PTPN3: variants seen among roughly 807,000 people sequenced by gnomAD.
PTPN3 encodes the protein tyrosine-protein phosphatase non-receptor type 3.
In PTPN3, 96 loss-of-function variants were observed where a neutral mutation model predicts 132.7. That is an observed-to-expected ratio of 0.72 (90% confidence interval 0.61 to 0.86). The LOEUF (loss-of-function observed/expected upper bound fraction) is 0.86. Among genes scored for constraint, PTPN3 ranks in the 40% least tolerant of loss-of-function variants. The probability of loss-of-function intolerance (pLI) is 0.00; values close to 1 mark genes in which losing one functional copy is unlikely to be tolerated. For missense variants in PTPN3, 1,125 were observed against 1,159.6 expected (o/e 0.97, Z 0.43); for synonymous variants, 398 against 429.0 (o/e 0.93, Z 0.89).
chr9:109,520,740 G>C, the PTPN3 span, among the ~76,000 whole-genome samples: 1 of 152,152 alleles, frequency 6.6e-6, no homozygotes, highest in African/African-American at 2.4e-5. Flanking sequence ...TAAGGTAAGG[G>C]GATGGTGAGC....
At chr9:109,532,912 G>A in the PTPN3 span, 1 of 996,276 alleles carries the variant, frequency 1.0e-6, no homozygotes, top group African/African-American at 1.8e-5. Context: ...TTGTCTCTTT[G>A]CCACCTTGTG....
chr9:109,474,699 C>T (rs541844489), intron 1 of PTPN3, among the ~76,000 whole-genome samples: 63 of 152,304 alleles, frequency 4.1e-4, no homozygotes, highest in Non-Finnish European at 6.9e-4. Flanking sequence ...TAACTGAAAT[C>T]TTAGCGAAAT....
intron 14 of PTPN3, among the ~76,000 whole-genome samples, chr9:109,415,156 C>T (rs1842398304): frequency 6.6e-6 from 1 of 151,776 alleles, no homozygotes; most frequent in African/African-American, 2.4e-5. Flanking sequence ...TATTAAATGC[C>T]AAATAACCAT....
chr9:109,437,283 T>C (rs1375995612), intron 8 of PTPN3, among the ~76,000 whole-genome samples: 1 of 152,216 alleles, frequency 6.6e-6, no homozygotes, highest in Non-Finnish European at 1.5e-5. Flanking sequence ...TGCTAATTAG[T>C]AGGGAATCTT....
chr9:109,383,407 TCAGG>T lies in PTPN3; in HGVS notation c.2382+12_2382+15del. On this transcript the variant is annotated intron_variant, in intron 23 of 25. Transcript: ENST00000374541. ...AGCACCTGCCCCTCCACCGTGCCCC[TCAGG>T]CTGCGGCTCACCTGGGTGTTTGTGA... The T allele has an allele frequency of 6.2e-7, 1 of 1,613,764 alleles. No individual in the cohort carries two copies. The highest frequency in any genetic ancestry group is 8.5e-7 in the Non-Finnish European group (1 of 1,179,904).
the PTPN3 span, among the ~76,000 whole-genome samples, chr9:109,504,003 A>G: frequency 2.6e-5 from 4 of 152,244 alleles, no homozygotes; most frequent in Non-Finnish European, 4.4e-5. Flanking sequence ...AATGAATTGT[A>G]AAAAGAGCAG....
chr9:109,422,938 T>C, intron 12 of PTPN3, 86 bp from the exon 13 acceptor site: 2 of 1,489,658 alleles, frequency 1.3e-6, no homozygotes, highest in Non-Finnish European at 1.8e-6. Context: ...CTACACATGC[T>C]TCTTGTCTGA....
chr9:109,448,901 GCA>G, intron 5 of PTPN3, 46 bp from the exon 6 acceptor site: 83 of 1,012,214 alleles, frequency 8.2e-5, no homozygotes, highest in South Asian at 6.5e-4. Flanking sequence ...ACTGAAATAA[GCA>G]AAAAAAAAAA....
the PTPN3 span, among the ~76,000 whole-genome samples, chr9:109,503,540 A>C: frequency 1.3e-5 from 2 of 152,068 alleles, no homozygotes; most frequent in Non-Finnish European, 2.9e-5. Flanking sequence ...CCCTGTCTCT[A>C]CTTAAAAAAA....
chr9:109,502,377 A>G (rs1847873264), upstream of PTPN3, among the ~76,000 whole-genome samples: 1 of 152,242 alleles, frequency 6.6e-6, no homozygotes, highest in Non-Finnish European at 1.5e-5. Flanking sequence ...TGTGCTGTTA[A>G]TGCAAGCTTA....
Position 109,391,473 on chromosome 9 carries a change from G to A in PTPN3, c.2042C>T (p.Pro681Leu). ...LDKNRYKDVLPYDTTRVLLQG... is the reference protein window; with the variant it reads ...LDKNRYKDVLLYDTTRVLLQG... Reference sequence around the variant, plus strand: ...AGGCATTCATGCCGGATACTCACAAGGCAGCACATCTTTATATCGGTTTTT... The same window carrying A: ...AGGCATTCATGCCGGATACTCACAAAGCAGCACATCTTTATATCGGTTTTT... The change falls in exon 20 of 26, where the codon CCT becomes CTT. Residue 681 changes from proline to leucine, a missense_variant and splice_region_variant. Pro to Leu is a moderately conservative substitution (Grantham distance 98). Transcript: ENST00000374541. 1 of 1,610,764 alleles carries A rather than the reference G, an allele frequency of 6.2e-7. No individual in the cohort carries two copies. Among genetic ancestry groups the A allele is most frequent in the Non-Finnish European group, 8.5e-7 (1 of 1,177,104 alleles).
intron 1 of PTPN3, 53 bp from the exon 2 acceptor site, chr9:109,463,504 T>C (rs1845947710): frequency 1.3e-6 from 2 of 1,528,518 alleles, no homozygotes; most frequent in Non-Finnish European, 1.8e-6. Flanking sequence ...TGTCAGTTAC[T>C]TGTGAGTGCA....
intron 25 of PTPN3, among the ~76,000 whole-genome samples, chr9:109,380,156 T>C (rs762611937): frequency 6.6e-6 from 1 of 152,162 alleles, no homozygotes; most frequent in Non-Finnish European, 1.5e-5. Context: ...AGAAACATAT[T>C]GTAGCAAAGT....
chr9:109,407,893 T>C (rs938695536), intron 17 of PTPN3, among the ~76,000 whole-genome samples: 1 of 152,190 alleles, frequency 6.6e-6, no homozygotes, highest in African/African-American at 2.4e-5. Flanking sequence ...GCAAATGCTC[T>C]TCTTAGGAGG....
the PTPN3 span, among the ~76,000 whole-genome samples, chr9:109,536,474 A>G: frequency 6.6e-6 from 1 of 152,184 alleles, no homozygotes; most frequent in Non-Finnish European, 1.5e-5. Context: ...ATTCAAGACA[A>G]TTTTTGTCAA....
chr9:109,463,460 T>C lies in PTPN3; in HGVS notation c.-17-9A>G. ...AACTATCGCTGAATAACCTGTAACA[T>C]AAAATATACCTGTTAGTGCTTTAAT... On this transcript the variant is annotated splice_polypyrimidine_tract_variant and intron_variant, in intron 1 of 25. Coordinates refer to ENST00000374541, the MANE Select transcript of PTPN3 (RefSeq NM_002829.4). 1 of 1,600,670 alleles carries C rather than the reference T, an allele frequency of 6.2e-7. No individual in the cohort carries two copies. Among genetic ancestry groups the C allele is most frequent in the Non-Finnish European group, 8.5e-7 (1 of 1,175,090 alleles).
rs114510605 is a variant in PTPN3, at chr9:109,414,704, G to T, written c.1314-4289C>A. Among the ~76,000 whole-genome samples, 1,154 of 152,270 alleles carry T rather than the reference G, an allele frequency of 7.6e-3. 25 individuals carry two copies. Among genetic ancestry groups the T allele is most frequent in the African/African-American group, 0.027 (1,108 of 41,566 alleles). On this transcript the variant is annotated intron_variant, in intron 14 of 25. Transcript: ENST00000374541. ...AACAACAGATCATGAATCTGTCTAGGCTTCCCCTATAGATATCAGACACCT... is the reference window on the plus strand; with the variant it reads ...AACAACAGATCATGAATCTGTCTAGTCTTCCCCTATAGATATCAGACACCT...
At chr9:109,533,126 A>ATTTTTTTTT in the PTPN3 span, among the ~76,000 whole-genome samples, 65 of 36,554 alleles carry the variant, frequency 1.8e-3, 14 homozygotes, top group African/African-American at 6.5e-3. Flanking sequence ...TACCTGGCTA[A>ATTTTTTTTT]TTTTTTTTTT....
At chr9:109,408,181 G>A in intron 17 of PTPN3, 140 bp downstream of exon 17, 1 of 597,278 alleles carries the variant, frequency 1.7e-6, no homozygotes. Flanking sequence ...GAGCCGCAAG[G>A]TTATAGAAAA....
Sources: gnomAD v4.1 joint callset for allele counts (sites outside exome capture counted in the v4.1 genomes callset) on GRCh38, gnomAD v4.1.1 for gene constraint, MANE v1.5 for transcripts, NCBI Gene and HGNC (gene_info 2026-07-23, HGNC 2026-07-21) for gene names.